The following NKAIN3 variants were observed in gnomAD, a reference collection of about 807,000 sequenced individuals.
NKAIN3 encodes sodium/potassium-transporting ATPase subunit beta-1-interacting protein 3.
A neutral mutation model predicts 30.2 loss-of-function variants in NKAIN3; 25 were observed. The observed-to-expected ratio is 0.83, with a 90% CI of 0.60 to 1.16. NKAIN3 has a LOEUF of 1.16. NKAIN3 is among the 50% of genes most tolerant of loss of function. The pLI, the probability that NKAIN3 is intolerant of heterozygous loss-of-function variation, is 0.00. For synonymous variants in NKAIN3, 91 were observed against 89.6 expected (o/e 1.02, Z -0.09); for missense variants, 225 against 254.1 (o/e 0.89, Z 0.78).
At chr8:62,306,536 TTGTGTGTGTG>T (rs10552182) in intron 1 of NKAIN3, among the ~76,000 whole-genome samples, 69 of 136,062 alleles carry the variant, frequency 5.1e-4, no homozygotes, top group Admixed American at 1.9e-3. Context: ...TTTGAAGGCT[TTGTGTGTGTG>T]TGTGTGTGTG....
intron 1 of NKAIN3, among the ~76,000 whole-genome samples, chr8:62,438,150 T>C (rs1416136670): frequency 6.6e-6 from 1 of 152,192 alleles, no homozygotes; most frequent in East Asian, 1.9e-4. Context: ...GGCTCCACAC[T>C]CCTCTTCTGG....
At chr8:62,962,775 A>G (rs1823605781) in intron 6 of NKAIN3, among the ~76,000 whole-genome samples, 1 of 152,208 alleles carries the variant, frequency 6.6e-6, no homozygotes, top group Non-Finnish European at 1.5e-5. Context: ...TCTAGCCAAA[A>G]AAGGCTGTGG....
chr8:62,731,285 A>G (rs950607852), intron 3 of NKAIN3, among the ~76,000 whole-genome samples: 10 of 151,180 alleles, frequency 6.6e-5, no homozygotes, highest in African/African-American at 2.5e-4. Flanking sequence ...CCTTCCTTCT[A>G]TACAATTATT....
intron 4 of NKAIN3, among the ~76,000 whole-genome samples, chr8:62,873,082 G>A (rs1452639250): frequency 2.0e-5 from 3 of 152,164 alleles, no homozygotes; most frequent in East Asian, 3.8e-4. Flanking sequence ...TCAGTGTATT[G>A]TATTCAAGAG....
In NKAIN3 at chr8:62,248,949, A is replaced by AGCG. The variant is rs1811984219; in HGVS notation, c.-119_-117dup. The AGCG allele has an allele frequency of 2.4e-6, 2 of 832,434 alleles. No homozygotes were observed. Among genetic ancestry groups the AGCG allele is most frequent in the African/African-American group, 3.6e-5 (2 of 55,412 alleles). 51.6% of individuals were successfully genotyped at this position (832,434 alleles called of 1,614,324 possible). A position where few individuals can be genotyped will look rare whatever the true frequency, so the allele number is the denominator to read the frequency against. On this transcript the variant is annotated 5_prime_UTR_variant, in exon 1 of 7. Coordinates refer to ENST00000623646, the MANE Select transcript of NKAIN3 (RefSeq NM_001304533.3). The stretch of plus-strand genomic sequence containing the variant: ...GCGAGCCCCGAGCCCTGGAGCCGCG[A>AGCG]GCGGCGGCCGCGGGGCCGAGGAGCC...
intron 1 of NKAIN3, among the ~76,000 whole-genome samples, chr8:62,556,836 G>T (rs1256644569): frequency 6.6e-6 from 1 of 151,938 alleles, no homozygotes; most frequent in Non-Finnish European, 1.5e-5. Flanking sequence ...CATCCTATTG[G>T]ACTATTTTAA....
intron 4 of NKAIN3, among the ~76,000 whole-genome samples, chr8:62,877,353 A>G (rs1197332005): frequency 2.0e-5 from 3 of 152,256 alleles, no homozygotes; most frequent in Non-Finnish European, 4.4e-5. Context: ...CGGCCTCGGA[A>G]TGGAGGCACT....
Position 62,480,898 on chromosome 8 carries a change from T to C in NKAIN3, c.55-98641T>C, listed in dbSNP as rs149847558. The stretch of plus-strand genomic sequence containing the variant: ...TTGAGAAGTGATCAGAATGGAGTCA[T>C]TCTTCAGGGATCTGAAAAGAGGTAG... On this transcript the variant is annotated intron_variant, in intron 1 of 6. Transcript: ENST00000623646. Among the ~76,000 whole-genome samples, 706 of 152,172 alleles carry C rather than the reference T, an allele frequency of 4.6e-3. 5 individuals are homozygous for C. Among genetic ancestry groups the C allele is most frequent in the African/African-American group, 0.016 (668 of 41,516 alleles).
intron 3 of NKAIN3, among the ~76,000 whole-genome samples, chr8:62,606,711 A>T (rs1273419618): frequency 6.6e-6 from 1 of 152,134 alleles, no homozygotes; most frequent in Non-Finnish European, 1.5e-5. Context: ...ATAATTCATC[A>T]TTTATTTTTG....
chr8:62,502,045 C>T (rs1807472235), intron 1 of NKAIN3, among the ~76,000 whole-genome samples: 2 of 152,148 alleles, frequency 1.3e-5, no homozygotes, highest in South Asian at 4.1e-4. Context: ...CTCATGCTGT[C>T]ATAGCAGATG....
In NKAIN3 at chr8:62,432,012, G is replaced by T. The variant is rs143386014; in HGVS notation, c.55-147527G>T. ...GCAAAAGAAATAAAATACACAATAG[G>T]AAATTAATGGAGAACCAAACAGTTG... On this transcript the variant is annotated intron_variant, in intron 1 of 6. Coordinates refer to ENST00000623646, the MANE Select transcript of NKAIN3 (RefSeq NM_001304533.3). Among the ~76,000 whole-genome samples the T allele has an allele frequency of 9.1e-3, 1,382 of 151,626 alleles. 13 individuals are homozygous for T. The highest frequency in any genetic ancestry group is 0.016 in the Non-Finnish European group (1,073 of 67,826).
At chr8:62,785,177 TTACTC>T (rs1428211796) in intron 4 of NKAIN3, among the ~76,000 whole-genome samples, 4 of 152,160 alleles carry the variant, frequency 2.6e-5, no homozygotes, top group Admixed American at 6.5e-5. Flanking sequence ...CACAGCAACT[TTACTC>T]ATAACAGCCA....
At chr8:62,539,896 A>G (rs1218112233) in intron 1 of NKAIN3, among the ~76,000 whole-genome samples, 3 of 152,164 alleles carry the variant, frequency 2.0e-5, no homozygotes, top group African/African-American at 7.2e-5. Flanking sequence ...TTTTTTAAGT[A>G]AGCATTCTAA....
chr8:62,984,906 A>T (rs1030305660), downstream of NKAIN3: 3 of 152,224 alleles, frequency 2.0e-5, no homozygotes, highest in Non-Finnish European at 4.4e-5. Flanking sequence ...GAAGTACAAG[A>T]TGACTACTGT....
chr8:62,591,160 T>C (rs1200908629), intron 3 of NKAIN3, among the ~76,000 whole-genome samples: 1 of 151,956 alleles, frequency 6.6e-6, no homozygotes, highest in African/African-American at 2.4e-5. Context: ...ATTTTTTATT[T>C]CACTGGGTAG....
At chr8:62,842,394 C>A (rs1329137352) in intron 4 of NKAIN3, among the ~76,000 whole-genome samples, 2 of 152,036 alleles carry the variant, frequency 1.3e-5, no homozygotes, top group Non-Finnish European at 2.9e-5. Context: ...TATCCCATCT[C>A]TATGGACTGA....
intron 1 of NKAIN3, among the ~76,000 whole-genome samples, chr8:62,399,230 G>T (rs1239975870): frequency 1.3e-5 from 2 of 152,182 alleles, no homozygotes; most frequent in Admixed American, 6.5e-5. Context: ...TCAGGGCAGG[G>T]CATGGTAGCT....
intron 1 of NKAIN3, among the ~76,000 whole-genome samples, chr8:62,522,489 C>G (rs1478339013): frequency 2.6e-5 from 4 of 151,854 alleles, no homozygotes; most frequent in African/African-American, 9.7e-5. Flanking sequence ...AAGTGTAAAA[C>G]AGCCTCAGGC....
intron 4 of NKAIN3, among the ~76,000 whole-genome samples, chr8:62,843,078 A>G (rs1347637998): frequency 6.6e-6 from 1 of 151,970 alleles, no homozygotes; most frequent in Non-Finnish European, 1.5e-5. Context: ...GCAATGAGAA[A>G]AATATTTGCA....
Sources: gnomAD v4.1 joint callset for allele counts (sites outside exome capture counted in the v4.1 genomes callset) on GRCh38, gnomAD v4.1.1 for gene constraint, MANE v1.5 for transcripts, NCBI Gene and HGNC (gene_info 2026-07-23, HGNC 2026-07-21) for gene names.